NEK9: variants seen among roughly 807,000 people sequenced by gnomAD.
NEK9 encodes the protein NIMA related kinase 9, also known as serine/threonine-protein kinase Nek9.
Under a neutral mutation model 123.4 loss-of-function variants are expected in NEK9, and 75 were observed. That is an observed-to-expected ratio of 0.61 (90% CI 0.50 to 0.74). The LOEUF is 0.74. Among genes scored for constraint, NEK9 ranks in the 30% least tolerant of loss-of-function variants. The pLI, the probability that NEK9 is intolerant of heterozygous loss-of-function variation, is 0.00. For synonymous variants in NEK9, 438 were observed against 458.7 expected, an observed-to-expected ratio of 0.95 and a Z score of 0.58; for missense variants, 952 against 1,214.4, an observed-to-expected ratio of 0.78 and a Z score of 3.21.
In NEK9 at chr14:75,124,909, T is replaced by TG. The variant is rs1451165183; in HGVS notation, c.220-687_220-686insC. ...CCTCAGCTTCCCCAGTAGTTGGGAC[T>TG]ACAGGCACGCACTGCCACACTCAGC... On this transcript the variant is annotated intron_variant, in intron 1 of 21. Transcript: ENST00000238616. 3.3e-5 allele frequency among the ~76,000 whole-genome samples: 5 copies of TG among 150,748 alleles called. 1 individual carries two copies. In the Admixed American group the frequency reaches 3.3e-4, roughly 10 times the overall value.
intron 19 of NEK9, among the ~76,000 whole-genome samples, chr14:75,090,258 G>A (rs923180616): frequency 1.3e-5 from 2 of 151,248 alleles, no homozygotes; most frequent in African/African-American, 4.9e-5. Context: ...AATTACAGCT[G>A]GGAGCCATCA....
At chr14:75,110,521 A>C (rs1894926929) in intron 8 of NEK9, 150 bp from the exon 9 acceptor site, 1 of 614,052 alleles carries the variant, frequency 1.6e-6, no homozygotes, top group African/African-American at 1.9e-5. Context: ...ACCTCAATAC[A>C]ACTCAAAACA....
At chr14:75,109,225 C>A (rs944130641) in intron 10 of NEK9, among the ~76,000 whole-genome samples, 1 of 152,158 alleles carries the variant, frequency 6.6e-6, no homozygotes, top group African/African-American at 2.4e-5. Context: ...TAGAGGGCAA[C>A]AAACAAATTC....
rs964241156 is a variant in NEK9, at chr14:75,101,120, T to C, written c.1874A>G (p.Lys625Arg). ...GTTCCCAACGCCCAGCTGCCCACAC[T>C]TGTTGCAGCCAAAGGTCAGCAGCCG... ...RGRLLTFGCN[K>R]CGQLGVGNYK... Residue 625 changes from lysine (K) to arginine (R), a missense_variant, in exon 16 of 22, where the codon AAG (lysine) becomes AGG (arginine). Lys to Arg is a conservative substitution (Grantham distance 26). Transcript: ENST00000238616. 1.2e-6 allele frequency: 2 copies of C among 1,614,126 alleles called. No individual in the cohort carries two copies. The highest frequency in any genetic ancestry group is 2.7e-5 in the African/African-American group (2 of 74,946).
In NEK9 at chr14:75,127,009, G is replaced by A. The variant is rs1594858489; in HGVS notation, c.-88C>T. 5 of 1,149,018 alleles carry A rather than the reference G, an allele frequency of 4.4e-6. No homozygotes were observed. Among genetic ancestry groups the A allele is most frequent in the East Asian group, 3.2e-5 (1 of 31,196 alleles). 71.2% of individuals were successfully genotyped at this position (1,149,018 alleles called of 1,614,324 possible). ...TCCCGCTCGCTTCAGATGCCGGCCCGCGGATCCGTCAGCCCAGCAACCCCG... is the reference window on the plus strand; with the variant it reads ...TCCCGCTCGCTTCAGATGCCGGCCCACGGATCCGTCAGCCCAGCAACCCCG... On this transcript the variant is annotated 5_prime_UTR_variant, in exon 1 of 22. Transcript: ENST00000238616.
chr14:75,126,725 G>C lies in NEK9; in HGVS notation c.197C>G (p.Ala66Gly). ...TACCTCGGTGCGGCGGTACAGCGTG[G>C]CTTCCCCGAAGGCGCCGCGGCCCAG... ...RVLGRGAFGEATLYRRTEDDS... is the reference protein window; with the variant it reads ...RVLGRGAFGEGTLYRRTEDDS... Residue 66 changes from alanine to glycine, a missense_variant, in exon 1 of 22, where the codon GCC (alanine) becomes GGC (glycine). Physicochemically the swap from Ala to Gly is moderately conservative, Grantham distance 60 (BLOSUM62 0). Transcript: ENST00000238616. The C allele has an allele frequency of 6.8e-7, 1 of 1,479,372 alleles. No individual in the cohort carries two copies. The highest frequency in any genetic ancestry group is 9.0e-7 in the Non-Finnish European group (1 of 1,115,638). 91.6% of individuals were successfully genotyped at this position (1,479,372 alleles called of 1,614,324 possible).
chr14:75,107,105 G>A (rs1157001670), intron 11 of NEK9, among the ~76,000 whole-genome samples: 2 of 151,878 alleles, frequency 1.3e-5, no homozygotes, highest in Non-Finnish European at 1.5e-5. Context: ...TGCCAACCAC[G>A]ACACACATTT....
At chr14:75,124,938 AT>A (rs34243579) in intron 1 of NEK9, among the ~76,000 whole-genome samples, 68,795 of 139,266 alleles carry the variant, frequency 0.49, 17,106 homozygotes, top group Middle Eastern at 0.55. Flanking sequence ...ACTCAGCTAA[AT>A]TTTTTTTTTT....
chr14:75,103,018 G>A (rs1594835377), intron 14 of NEK9, among the ~76,000 whole-genome samples: 1 of 145,214 alleles, frequency 6.9e-6, no homozygotes, highest in South Asian at 2.3e-4. Flanking sequence ...ACAGGAAGGG[G>A]AACATCACAC....
intron 10 of NEK9, among the ~76,000 whole-genome samples, chr14:75,109,200 TGA>T (rs1371963340): frequency 6.6e-6 from 1 of 152,022 alleles, no homozygotes; most frequent in Non-Finnish European, 1.5e-5. Context: ...TTAAGGAAGG[TGA>T]GAGGGGAGAA....
At chr14:75,110,114 C>T (rs1466469616) in intron 9 of NEK9, among the ~76,000 whole-genome samples, 2 of 152,206 alleles carry the variant, frequency 1.3e-5, no homozygotes. Flanking sequence ...TACACTTTTC[C>T]ACATTCATCA....
chr14:75,100,946 C>A, intron 16 of NEK9, 46 bp downstream of exon 16: 2 of 1,570,450 alleles, frequency 1.3e-6, no homozygotes, highest in Middle Eastern at 1.7e-4. Flanking sequence ...AGAACTGAAA[C>A]ACAGCCATGT....
Position 75,110,358 on chromosome 14 carries a change from T to C in NEK9, c.952A>G (p.Lys318Glu). ...LRKRRREMEEKVTLLNAPTKR... is the reference protein window; with the variant it reads ...LRKRRREMEEEVTLLNAPTKR... ...GTAGGTGCATTAAGCAGAGTGACTT[T>C]TTCCTCCATCTCTCTACCAAAAGAA... The change falls in exon 9 of 22, where the codon AAA becomes GAA. Residue 318 changes from lysine to glutamate, a missense_variant. Physicochemically the swap from Lys to Glu is moderately conservative, Grantham distance 56. This residue lies in a region of NEK9 where 698 missense variants were observed against 875.6 expected (regional missense o/e 0.80). Coordinates refer to ENST00000238616, the MANE Select transcript of NEK9 (RefSeq NM_033116.6). 1 of 1,613,286 alleles carries C rather than the reference T, an allele frequency of 6.2e-7. No individual in the cohort carries two copies.
chr14:75,084,547 TC>T lies in NEK9; in HGVS notation c.*16del. The T allele has an allele frequency of 6.2e-7, 1 of 1,613,860 alleles. No homozygotes were observed. The highest frequency in any genetic ancestry group is 8.5e-7 in the Non-Finnish European group (1 of 1,179,772). ...CTTTGGGTCCCAGTCTCCTGGGGGCTCTACAGGCTCAGGAGACTAGAGGCTG... is the reference window on the plus strand; with the variant it reads ...CTTTGGGTCCCAGTCTCCTGGGGGCTTACAGGCTCAGGAGACTAGAGGCTG... On this transcript the variant is annotated 3_prime_UTR_variant, in exon 22 of 22. Transcript: ENST00000238616.
chr14:75,088,365 AT>A, intron 20 of NEK9, 114 bp downstream of exon 20: 1 of 971,258 alleles, frequency 1.0e-6, no homozygotes, highest in South Asian at 1.6e-5. Flanking sequence ...AGACAGTATA[AT>A]GAGTTGATGC....
intron 20 of NEK9, among the ~76,000 whole-genome samples, chr14:75,087,852 T>G (rs1051529756): frequency 2.0e-5 from 3 of 152,246 alleles, no homozygotes; most frequent in Admixed American, 6.5e-5. Flanking sequence ...ACTGCCTGTT[T>G]TTGTAAATAC....
At chr14:75,095,060 G>A (rs990652372) in intron 18 of NEK9, among the ~76,000 whole-genome samples, 1 of 152,132 alleles carries the variant, frequency 6.6e-6, no homozygotes, top group Non-Finnish European at 1.5e-5. Context: ...TACCGTGGAA[G>A]TAGAGGACTC....
chr14:75,121,003 G>A (rs1339578264), intron 3 of NEK9, 116 bp downstream of exon 3: 3 of 830,920 alleles, frequency 3.6e-6, no homozygotes, highest in Non-Finnish European at 6.2e-6. Flanking sequence ...GAGCCTGGAA[G>A]GAGTCTGAAC....
In NEK9 at chr14:75,083,344, T is replaced by G; in HGVS notation, c.*1220A>C. On this transcript the variant is annotated 3_prime_UTR_variant, in exon 22 of 22. Transcript: ENST00000238616. ...TGTTCTTCTATGACACTATTTCTCTTTGGTAAAGCTAGCTTGTTTCTATCT... is the reference window on the plus strand; with the variant it reads ...TGTTCTTCTATGACACTATTTCTCTGTGGTAAAGCTAGCTTGTTTCTATCT... 1 of 352,234 alleles carries G rather than the reference T, an allele frequency of 2.8e-6. No individual in the cohort carries two copies. Among genetic ancestry groups the G allele is most frequent in the Non-Finnish European group, 5.1e-6 (1 of 197,252 alleles). 21.8% of individuals were successfully genotyped at this position (352,234 alleles called of 1,614,324 possible).
Sources: gnomAD v4.1 joint callset for allele counts (sites outside exome capture counted in the v4.1 genomes callset) on GRCh38, gnomAD v4.1.1 for gene constraint, gnomAD v4.1.1 regional missense constraint, MANE v1.5 for transcripts, NCBI Gene and HGNC (gene_info 2026-07-23, HGNC 2026-07-21) for gene names.